FKBP4: variants seen among roughly 807,000 people sequenced by gnomAD.
The protein encoded by FKBP4 is peptidyl-prolyl cis-trans isomerase FKBP4.
In FKBP4, 28 loss-of-function variants were observed where a neutral mutation model predicts 54.1. The ratio of observed to expected loss-of-function variants is 0.52; its 90% CI spans 0.38 to 0.71. The LOEUF is 0.71. Ranked by LOEUF, FKBP4 falls within the 30% of genes least tolerant of loss-of-function variation. The probability of loss-of-function intolerance (pLI) is 0.00; values close to 1 mark genes in which losing one functional copy is unlikely to be tolerated. For missense variants in FKBP4, 493 were observed against 574.4 expected (o/e 0.86, Z 1.45); for synonymous variants, 223 against 216.1 (o/e 1.03, Z -0.28).
Position 2,795,137 on chromosome 12 carries a change from G to C in FKBP4, c.-3G>C, listed in dbSNP as rs2097900905. 2 of 1,302,966 alleles carry C rather than the reference G, an allele frequency of 1.5e-6. No individual in the cohort carries two copies. Among genetic ancestry groups the C allele is most frequent in the South Asian group, 3.1e-5 (1 of 32,550 alleles). 80.7% of individuals were successfully genotyped at this position (1,302,966 alleles called of 1,614,324 possible). A position where few individuals can be genotyped will look rare whatever the true frequency, so the allele number is the denominator to read the frequency against. On this transcript the variant is annotated 5_prime_UTR_variant, in exon 1 of 10. Coordinates refer to ENST00000001008, the MANE Select transcript of FKBP4 (RefSeq NM_002014.4). This position sits in a 1 kb window ranked among gnomAD's most constrained non-coding sequence, Gnocchi z 4.3. ...TCCCGGATAAACGGCGCGCCGCGCG[G>C]AGATGACAGCCGAGGAGATGAAGGC...
Position 2,798,901 on chromosome 12 carries a change from C to A in FKBP4, c.514+75C>A. On this transcript the variant is annotated intron_variant, in intron 4 of 9. Transcript: ENST00000001008. This position sits in a 1 kb window ranked among gnomAD's most constrained non-coding sequence, Gnocchi z 4.3. Reference sequence around the variant, plus strand: ...TTGTGTGGCTTTGGGCAAGACACTTCCGTTCTCCGAGCCTATCTTCTTGTC... The same window carrying A: ...TTGTGTGGCTTTGGGCAAGACACTTACGTTCTCCGAGCCTATCTTCTTGTC... The A allele has an allele frequency of 1.3e-6, 2 of 1,523,320 alleles. No individual in the cohort carries two copies. Among genetic ancestry groups the A allele is most frequent in the Non-Finnish European group, 1.8e-6 (2 of 1,103,484 alleles). The allele number at this position is 1,523,320 out of a possible 1,614,324, so 94.4% of individuals were successfully genotyped here.
At chr12:2,796,435 T>G (rs1371398015) in intron 1 of FKBP4, 1 of 1,267,066 alleles carries the variant, frequency 7.9e-7, no homozygotes, top group African/African-American at 1.5e-5. Context: ...AAAGCCCCTG[T>G]CTATTCTTCG....
In FKBP4 at chr12:2,797,155, C is replaced by A; in HGVS notation, c.123C>A (p.Gly41=). The A allele has an allele frequency of 6.2e-7, 1 of 1,612,822 alleles. No homozygotes were observed. The change falls in exon 2 of 10, where the codon GGC becomes GGA. Residue 41 remains glycine (G), a synonymous_variant. Transcript: ENST00000001008. ...CCTCCCAGGTCATCAAGAGAGAGGG[C>A]ACAGGTACAGAGATGCCCATGATTG... The part of the protein sequence containing the change: ...EGVLKVIKRE[G]TGTEMPMIGD...
intron 1 of FKBP4, chr12:2,796,534 C>G (rs2153919126): frequency 8.4e-7 from 1 of 1,193,704 alleles, no homozygotes; most frequent in East Asian, 5.8e-5. Context: ...CAGCCCTGGA[C>G]TAACTACCAG....
chr12:2,797,329 A>G (rs1472201142), intron 2 of FKBP4, 47 bp downstream of exon 2: 1 of 1,605,382 alleles, frequency 6.2e-7, no homozygotes, highest in Admixed American at 1.7e-5. Flanking sequence ...GGTGGACACA[A>G]GCTGTCACAA....
chr12:2,803,343 T>C lies in FKBP4; in HGVS notation c.*85T>C, dbSNP rs1260994333. 1.0e-6 allele frequency: 1 copy of C among 961,290 alleles called. No individual in the cohort carries two copies. Among genetic ancestry groups the C allele is most frequent in the Admixed American group, 2.1e-5 (1 of 47,486 alleles). 59.5% of individuals were successfully genotyped at this position (961,290 alleles called of 1,614,324 possible). Reference sequence around the variant, plus strand: ...TGTTAGTTTTGTAAAAACTGAAGAATTTTGAGTGAATTAGACCTTTATTTT... The same window carrying C: ...TGTTAGTTTTGTAAAAACTGAAGAACTTTGAGTGAATTAGACCTTTATTTT... On this transcript the variant is annotated 3_prime_UTR_variant, in exon 10 of 10. Transcript: ENST00000001008.
intron 9 of FKBP4, among the ~76,000 whole-genome samples, chr12:2,802,431 G>C (rs1008311418): frequency 6.6e-6 from 1 of 152,160 alleles, no homozygotes; most frequent in East Asian, 1.9e-4. Flanking sequence ...ACCACACCCA[G>C]CCAGTCTTAA....
In FKBP4 at chr12:2,803,169, T is replaced by C; in HGVS notation, c.1291T>C (p.Ser431Pro). The C allele has an allele frequency of 3.1e-6, 5 of 1,605,454 alleles. No homozygotes were observed. Among genetic ancestry groups the C allele is most frequent in the Non-Finnish European group, 4.3e-6 (5 of 1,175,928 alleles). The change falls in exon 10 of 10, where the codon TCA (serine) becomes CCA (proline). Residue 431 changes from serine (S) to proline (P), a missense_variant. Transcript: ENST00000001008. ...EENKAKAEAS[S>P]GDHPTDTEMK... is the part of the protein sequence containing the mutation. ...CTTGCAGGCCAAGGCAGAGGCTTCC[T>C]CAGGAGACCATCCCACTGACACAGA...
At position 2,795,092 on chromosome 12, in the gene FKBP4, G is replaced by T; in HGVS notation, c.-48G>T. The stretch of plus-strand genomic sequence containing the variant: ...AGCGCCCCCGCCCGCGGCCCAGAGT[G>T]CGCTCGCGCCGGCACCAGCTCCCGG... On this transcript the variant is annotated 5_prime_UTR_variant, in exon 1 of 10. Coordinates refer to ENST00000001008, the MANE Select transcript of FKBP4 (RefSeq NM_002014.4). The surrounding 1 kb of genome is among the most constrained non-coding windows in gnomAD (Gnocchi z 4.3). 8.3e-7 allele frequency: 1 copy of T among 1,205,842 alleles called. No individual in the cohort carries two copies. The highest frequency in any genetic ancestry group is 1.1e-6 in the Non-Finnish European group (1 of 944,522). The allele number at this position is 1,205,842 out of a possible 1,614,324, so 74.7% of individuals were successfully genotyped here.
chr12:2,798,873 G>T lies in FKBP4; in HGVS notation c.514+47G>T, dbSNP rs2097903296. 6.3e-7 allele frequency: 1 copy of T among 1,596,958 alleles called. No individual in the cohort carries two copies. The highest frequency in any genetic ancestry group is 1.1e-5 in the South Asian group (1 of 90,668). On this transcript the variant is annotated intron_variant, in intron 4 of 9. Transcript: ENST00000001008. The surrounding 1 kb of genome is among the most constrained non-coding windows in gnomAD (Gnocchi z 4.3). Reference sequence around the variant, plus strand: ...TTTCAATTCTCATTCTGATATTTAGGCCTTGTGTGGCTTTGGGCAAGACAC... The same window carrying T: ...TTTCAATTCTCATTCTGATATTTAGTCCTTGTGTGGCTTTGGGCAAGACAC...
At position 2,803,404 on chromosome 12, in the gene FKBP4, G is replaced by GA; in HGVS notation, c.*149dup. The GA allele has an allele frequency of 1.6e-6, 1 of 631,932 alleles. No homozygotes were observed. Among genetic ancestry groups the GA allele is most frequent in the Non-Finnish European group, 2.8e-6 (1 of 356,148 alleles). 39.1% of individuals were successfully genotyped at this position (631,932 alleles called of 1,614,324 possible). A position where few individuals can be genotyped will look rare whatever the true frequency, so the allele number is the denominator to read the frequency against. ...TGGATGGTGGCTTTAGGGGAAGGGG[G>GA]AAAGGTGTAGGCTGGGGGATTGAGG... On this transcript the variant is annotated 3_prime_UTR_variant, in exon 10 of 10. Coordinates refer to ENST00000001008, the MANE Select transcript of FKBP4 (RefSeq NM_002014.4).
At position 2,803,533 on chromosome 12, in the gene FKBP4, C is replaced by T. The variant is rs1207574655; in HGVS notation, c.*275C>T. On this transcript the variant is annotated 3_prime_UTR_variant, in exon 10 of 10. Coordinates refer to ENST00000001008, the MANE Select transcript of FKBP4 (RefSeq NM_002014.4). Reference sequence around the variant, plus strand: ...CATCAGAATGTTAATTTATTTTGCTCCCTCTGTTAGGTCCATTTTCTAAGG... The same window carrying T: ...CATCAGAATGTTAATTTATTTTGCTTCCTCTGTTAGGTCCATTTTCTAAGG... 7 of 353,778 alleles carry T rather than the reference C, an allele frequency of 2.0e-5. No individual in the cohort carries two copies. The highest frequency in any genetic ancestry group is 1.9e-4 in the Admixed American group (5 of 26,576). 21.9% of individuals were successfully genotyped at this position (353,778 alleles called of 1,614,324 possible). A position where few individuals can be genotyped will look rare whatever the true frequency, so the allele number is the denominator to read the frequency against.
intron 1 of FKBP4, chr12:2,796,183 T>A: frequency 7.8e-7 from 1 of 1,282,296 alleles, no homozygotes. Context: ...CATCCTGGCT[T>A]CCCACCGCTG....
intron 7 of FKBP4, 58 bp downstream of exon 7, chr12:2,800,180 C>A: frequency 6.4e-7 from 1 of 1,567,132 alleles, no homozygotes; most frequent in Non-Finnish European, 8.8e-7. Flanking sequence ...CTGAGCCTCC[C>A]CTTCCCTTGG....
rs778781262 is a variant in FKBP4, at chr12:2,798,746, A to G, written c.434A>G (p.Glu145Gly). The G allele has an allele frequency of 1.2e-6, 2 of 1,614,030 alleles. No homozygotes were observed. The highest frequency in any genetic ancestry group is 4.5e-5 in the East Asian group (2 of 44,892). ...TTTAAGGGAGAAGATCTGACGGAAG[A>G]GGAAGATGGCGGAATCATTCGCAGA... ...FEFKGEDLTE[E>G]EDGGIIRRIQ... The change falls in exon 4 of 10, where the codon GAG becomes GGG. Residue 145 changes from glutamate to glycine, a missense_variant. Coordinates refer to ENST00000001008, the MANE Select transcript of FKBP4 (RefSeq NM_002014.4). This position sits in a 1 kb window ranked among gnomAD's most constrained non-coding sequence, Gnocchi z 4.3.
At position 2,798,924 on chromosome 12, in the gene FKBP4, G is replaced by T. The variant is rs2097903323; in HGVS notation, c.514+98G>T. The T allele has an allele frequency of 6.8e-7, 1 of 1,463,664 alleles. No individual in the cohort carries two copies. The highest frequency in any genetic ancestry group is 1.2e-5 in the South Asian group (1 of 83,178). 90.7% of individuals were successfully genotyped at this position (1,463,664 alleles called of 1,614,324 possible). ...TTCCGTTCTCCGAGCCTATCTTCTT[G>T]TCCATAAAATGAGGGGTTGGACCAT... On this transcript the variant is annotated intron_variant, in intron 4 of 9. Coordinates refer to ENST00000001008, the MANE Select transcript of FKBP4 (RefSeq NM_002014.4). The surrounding 1 kb of genome is among the most constrained non-coding windows in gnomAD (Gnocchi z 4.3).
In FKBP4 at chr12:2,801,147, G is replaced by A; in HGVS notation, c.1063G>A (p.Gly355Ser). 6.2e-7 allele frequency: 1 copy of A among 1,613,806 alleles called. No individual in the cohort carries two copies. Among genetic ancestry groups the A allele is most frequent in the South Asian group, 1.1e-5 (1 of 91,066 alleles). ...ALELDSNNEK[G>S]LFRRGEAHLA... ...AGAACTGGACAGCAACAACGAGAAG[G>A]GCCTCTTCCGCCGGGGAGAGGCCCA... Residue 355 changes from glycine (G) to serine (S), a missense_variant, in exon 9 of 10, where the codon GGC becomes AGC. Transcript: ENST00000001008.
In FKBP4 at chr12:2,798,969, A is replaced by G; in HGVS notation, c.515-119A>G. Reference sequence around the variant, plus strand: ...GACCATATTCTCTTCATATCACTCCAGATTTGAGAACACAGGAGAATCTTG... The same window carrying G: ...GACCATATTCTCTTCATATCACTCCGGATTTGAGAACACAGGAGAATCTTG... On this transcript the variant is annotated intron_variant, in intron 4 of 9. Transcript: ENST00000001008. This position sits in a 1 kb window ranked among gnomAD's most constrained non-coding sequence, Gnocchi z 4.3. 1.4e-6 allele frequency: 2 copies of G among 1,398,202 alleles called. No individual in the cohort carries two copies. The highest frequency in any genetic ancestry group is 2.0e-6 in the Non-Finnish European group (2 of 1,019,708). 86.6% of individuals were successfully genotyped at this position (1,398,202 alleles called of 1,614,324 possible).
In FKBP4 at chr12:2,800,150, C is replaced by T. The variant is rs1381107394; in HGVS notation, c.846+28C>T. 3 of 1,606,382 alleles carry T rather than the reference C, an allele frequency of 1.9e-6. No individual in the cohort carries two copies. In the African/African-American group the frequency reaches 4.0e-5, roughly 21 times the overall value. On this transcript the variant is annotated intron_variant, in intron 7 of 9. Coordinates refer to ENST00000001008, the MANE Select transcript of FKBP4 (RefSeq NM_002014.4). ...GAGCCAACAGTCATTGTCCTAAGGA[C>T]ACTCCCAGGAAGAGTTGCTCTGAGC...
Sources: allele counts gnomAD v4.1 joint callset (sites outside exome capture counted in the v4.1 genomes callset), GRCh38; gene constraint gnomAD v4.1.1; non-coding constraint Gnocchi (gnomAD v3.1); transcripts MANE v1.5; gene names NCBI Gene and HGNC (gene_info 2026-07-23, HGNC 2026-07-21).